The following CSMD1 variants were observed in gnomAD, a reference collection of about 807,000 sequenced individuals.
The protein encoded by CSMD1 is CUB and Sushi multiple domains 1.
A neutral mutation model predicts 417.5 loss-of-function variants in CSMD1; 213 were observed. The observed-to-expected ratio is 0.51, with a 90% CI of 0.46 to 0.57. The LOEUF is 0.57. Ranked by LOEUF, CSMD1 falls within the 20% of genes least tolerant of loss-of-function variation. The pLI, the probability that CSMD1 is intolerant of heterozygous loss-of-function variation, is 0.00. For missense variants in CSMD1, 6,923 were observed against 4,529.7 expected (o/e 1.53, Z -15.17); for synonymous variants, 2,862 against 1,736.8 (o/e 1.65, Z -16.11).
chr8:3,994,046 G>A (rs984781124), intron 5 of CSMD1, among the ~76,000 whole-genome samples: 1 of 152,224 alleles, frequency 6.6e-6, no homozygotes, highest in African/African-American at 2.4e-5. Flanking sequence ...CAAATCGGTA[G>A]CTGTGGACAG....
chr8:4,010,680 C>T (rs1367195497), intron 4 of CSMD1, among the ~76,000 whole-genome samples: 1 of 152,140 alleles, frequency 6.6e-6, no homozygotes, highest in Non-Finnish European at 1.5e-5. Flanking sequence ...AGTTCCCTGA[C>T]TCTGCCTCCC....
At chr8:3,037,534 T>G (rs887551024) in intron 50 of CSMD1, among the ~76,000 whole-genome samples, 1 of 152,176 alleles carries the variant, frequency 6.6e-6, no homozygotes, top group Non-Finnish European at 1.5e-5. Context: ...TCTTTGCTAT[T>G]GCAAACTGTG....
intron 3 of CSMD1, among the ~76,000 whole-genome samples, chr8:4,128,481 A>G (rs1385385137): frequency 1.3e-5 from 2 of 152,178 alleles, no homozygotes; most frequent in Non-Finnish European, 2.9e-5. Flanking sequence ...CCAAGGTTTA[A>G]AATTTAAAAC....
At chr8:4,033,840 C>T (rs867678092) in intron 3 of CSMD1, among the ~76,000 whole-genome samples, 1 of 152,128 alleles carries the variant, frequency 6.6e-6, no homozygotes, top group Non-Finnish European at 1.5e-5. Context: ...ACTTATAGAA[C>T]ATGATTTTGA....
At chr8:4,837,465 T>C (rs1050452937) in intron 1 of CSMD1, among the ~76,000 whole-genome samples, 3 of 152,164 alleles carry the variant, frequency 2.0e-5, no homozygotes, top group Non-Finnish European at 2.9e-5. Flanking sequence ...CTGGAGATCA[T>C]TGTGTTAACT....
intron 3 of CSMD1, among the ~76,000 whole-genome samples, chr8:4,050,434 A>G (rs561058237): frequency 2.8e-4 from 42 of 152,196 alleles, no homozygotes; most frequent in Non-Finnish European, 4.9e-4. Context: ...TTTTGCATAT[A>G]TACATACTTA....
intron 3 of CSMD1, among the ~76,000 whole-genome samples, chr8:4,356,048 C>G (rs1170308326): frequency 6.6e-6 from 1 of 152,150 alleles, no homozygotes; most frequent in African/African-American, 2.4e-5. Flanking sequence ...TCCTGGTGCA[C>G]TCATCACCTG....
At chr8:4,055,322 T>C (rs929137659) in intron 3 of CSMD1, among the ~76,000 whole-genome samples, 3 of 152,164 alleles carry the variant, frequency 2.0e-5, no homozygotes, top group African/African-American at 4.8e-5. Flanking sequence ...CCTTCTCTAA[T>C]AAATTTTTAT....
chr8:4,308,972 A>G (rs1232118467), intron 3 of CSMD1, among the ~76,000 whole-genome samples: 1 of 152,346 alleles, frequency 6.6e-6, no homozygotes, highest in South Asian at 2.1e-4. Context: ...ACCTTCTGAC[A>G]TAATGTTGAA....
intron 5 of CSMD1, among the ~76,000 whole-genome samples, chr8:3,804,529 C>A (rs1410325474): frequency 2.0e-5 from 3 of 152,134 alleles, no homozygotes; most frequent in Non-Finnish European, 4.4e-5. Flanking sequence ...ATTTACGCAT[C>A]ATGTTGCTAT....
intron 4 of CSMD1, among the ~76,000 whole-genome samples, chr8:4,018,657 T>C (rs750670105): frequency 5.9e-5 from 9 of 152,228 alleles, no homozygotes; most frequent in Non-Finnish European, 1.2e-4. Flanking sequence ...ACTTGTTTAA[T>C]TCAAGTTGTA....
At chr8:4,184,968 T>A (rs1458838608) in intron 3 of CSMD1, among the ~76,000 whole-genome samples, 1 of 151,444 alleles carries the variant, frequency 6.6e-6, no homozygotes, top group African/African-American at 2.4e-5. Flanking sequence ...TGAAACCCCA[T>A]CTCTATTAAA....
rs141767293 is a variant in CSMD1 at position 3,647,113 on chromosome 8, G to C, written c.1010-30316C>G. On this transcript the variant is annotated intron_variant, in intron 7 of 69. Transcript: ENST00000635120. ...CCTTGTCATGGCAATGAAAATCCCA[G>C]GAAGGAATAAATCATAGGAATGTAA... Among the ~76,000 whole-genome samples, 31 of 152,272 alleles carry C rather than the reference G, an allele frequency of 2.0e-4. No homozygotes were observed. The East Asian group carries it at 5.6e-3, about 28-fold the overall frequency.
intron 2 of CSMD1, among the ~76,000 whole-genome samples, chr8:4,461,744 T>A (rs1322252541): frequency 3.0e-5 from 4 of 132,866 alleles, no homozygotes; most frequent in Non-Finnish European, 6.3e-5. Flanking sequence ...TTTACTTATT[T>A]TTTTTTTTTT....
chr8:4,754,540 CTTTG>C (rs889960762), intron 1 of CSMD1, among the ~76,000 whole-genome samples: 3 of 136,378 alleles, frequency 2.2e-5, no homozygotes, highest in Non-Finnish European at 4.7e-5. Flanking sequence ...GTACTGCACA[CTTTG>C]TTTTTTTTTT....
intron 7 of CSMD1, among the ~76,000 whole-genome samples, chr8:3,660,601 C>T (rs1423344522): frequency 6.8e-6 from 1 of 147,800 alleles, no homozygotes; most frequent in Non-Finnish European, 1.5e-5. Context: ...GCTCACTGCA[C>T]CCTCCACCTC....
At chr8:3,691,726 C>G (rs967264764) in intron 7 of CSMD1, among the ~76,000 whole-genome samples, 1 of 151,924 alleles carries the variant, frequency 6.6e-6, no homozygotes, top group Admixed American at 6.6e-5. Flanking sequence ...TAAATATTAT[C>G]GCTATTTTAG....
rs191996036 is a variant in CSMD1 at position 4,196,136 on chromosome 8, G to C, written c.416-164037C>G. Among the ~76,000 whole-genome samples, 71 of 152,204 alleles carry C rather than the reference G, an allele frequency of 4.7e-4. No individual in the cohort carries two copies. The East Asian group carries it at 7.4e-3, about 16-fold the overall frequency. ...TGAGGCAGGAGAATGGCTTGAACCC[G>C]GGAAGTGGAGCTTGCAGGGAGCCGA... On this transcript the variant is annotated intron_variant, in intron 3 of 69. Transcript: ENST00000635120.
At chr8:4,270,034 G>C (rs1282962745) in intron 3 of CSMD1, among the ~76,000 whole-genome samples, 1 of 152,148 alleles carries the variant, frequency 6.6e-6, no homozygotes, top group African/African-American at 2.4e-5. Flanking sequence ...GTGTATTGTT[G>C]TTTTATGATT....
Sources: allele counts gnomAD v4.1 joint callset (sites outside exome capture counted in the v4.1 genomes callset), GRCh38; gene constraint gnomAD v4.1.1; transcripts MANE v1.5; gene names NCBI Gene and HGNC (gene_info 2026-07-23, HGNC 2026-07-21).